KCTD1: variants seen among roughly 807,000 people sequenced by gnomAD.
KCTD1 encodes the protein BTB/POZ domain-containing protein KCTD1.
KCTD1 carries 24 observed loss-of-function variants against 66.0 expected under a neutral mutation model. The ratio of observed to expected loss-of-function variants is 0.36; its 90% CI spans 0.26 to 0.51. KCTD1 has a LOEUF of 0.51. Ranked by LOEUF, KCTD1 falls within the 20% of genes least tolerant of loss-of-function variation. KCTD1 has a pLI of 0.95. For synonymous variants in KCTD1, 511 were observed against 517.2 expected (o/e 0.99, Z 0.16); for missense variants, 943 against 1,205.2 (o/e 0.78, Z 3.22).
At chr18:26,653,522 GA>G (rs1161361580) in intron 1 of KCTD1, among the ~76,000 whole-genome samples, 1 of 152,170 alleles carries the variant, frequency 6.6e-6, no homozygotes, top group Non-Finnish European at 1.5e-5. Context: ...GTTATTCGAT[GA>G]ATGTCTGCCT....
intron 1 of KCTD1, among the ~76,000 whole-genome samples, chr18:26,638,616 G>A (rs1987771211): frequency 6.6e-6 from 1 of 152,244 alleles, no homozygotes; most frequent in South Asian, 2.1e-4. Flanking sequence ...ACAGAGGCTG[G>A]TGGTAGTCAT....
intron 1 of KCTD1, among the ~76,000 whole-genome samples, chr18:26,536,177 C>T (rs1469368976): frequency 2.0e-5 from 3 of 152,118 alleles, no homozygotes; most frequent in East Asian, 1.9e-4. Flanking sequence ...AATGAAACCA[C>T]GCTGGGCTCC....
At chr18:26,611,922 G>A (rs959909505) in intron 1 of KCTD1, among the ~76,000 whole-genome samples, 1 of 152,146 alleles carries the variant, frequency 6.6e-6, no homozygotes. Flanking sequence ...AGATTTGTTA[G>A]GTGGCTCTGG....
intron 1 of KCTD1, among the ~76,000 whole-genome samples, chr18:26,540,027 A>C (rs988843968): frequency 3.9e-5 from 6 of 152,218 alleles, no homozygotes; most frequent in South Asian, 2.1e-4. Flanking sequence ...CCTGGCACAC[A>C]GTGAAAGGGC....
rs1184085921 is a variant in KCTD1 at position 26,454,932 on chromosome 18, T to C, written c.*811A>G. 1.3e-5 allele frequency: 2 copies of C among 152,574 alleles called. No individual in the cohort carries two copies. The highest frequency in any genetic ancestry group is 4.8e-5 in the African/African-American group (2 of 41,462). The allele number at this position is 152,574 out of a possible 1,614,324, so 9.5% of individuals were successfully genotyped here. ...CAATTTCAAAAAGAAAAAATTTCAC[T>C]TTAATCCAGCCTCACCCCCACATGT... On this transcript the variant is annotated 3_prime_UTR_variant, in exon 5 of 5. Transcript: ENST00000580059.
At chr18:26,489,655 G>A (rs1408153317) in intron 2 of KCTD1, among the ~76,000 whole-genome samples, 3 of 152,104 alleles carry the variant, frequency 2.0e-5, no homozygotes, top group Non-Finnish European at 4.4e-5. Flanking sequence ...TTTCCACGTT[G>A]GCCTGATAAA....
intron 1 of KCTD1, among the ~76,000 whole-genome samples, chr18:26,570,191 A>AAAAATAT (rs776923644): frequency 2.2e-3 from 297 of 132,538 alleles, no homozygotes; most frequent in African/African-American, 7.0e-3. Flanking sequence ...ATCTAAAAAA[A>AAAAATAT]ATATATATAT....
chr18:26,562,079 G>A (rs948290711), intron 1 of KCTD1, among the ~76,000 whole-genome samples: 4 of 151,960 alleles, frequency 2.6e-5, no homozygotes, highest in Non-Finnish European at 4.4e-5. Context: ...CTATGCCTTC[G>A]CCCTCCGCCC....
At chr18:26,564,311 T>C (rs1218835405) in intron 1 of KCTD1, among the ~76,000 whole-genome samples, 1 of 152,144 alleles carries the variant, frequency 6.6e-6, no homozygotes, top group East Asian at 1.9e-4. Context: ...TAACACAATA[T>C]ATACCCCAGG....
intron 1 of KCTD1, among the ~76,000 whole-genome samples, chr18:26,516,681 A>G (rs544035864): frequency 3.3e-5 from 5 of 152,094 alleles, no homozygotes; most frequent in African/African-American, 9.6e-5. Flanking sequence ...TTTCCTATCA[A>G]CTCCCCACAG....
chr18:26,598,819 C>A (rs1021940439), intron 1 of KCTD1, among the ~76,000 whole-genome samples: 2 of 123,526 alleles, frequency 1.6e-5, no homozygotes, highest in African/African-American at 5.5e-5. Flanking sequence ...TCTTTAAATT[C>A]TTTGCCTATT....
In KCTD1 at chr18:26,547,332, CAG is replaced by C; in HGVS notation, c.1203_1204del (p.Cys402GlnfsTer214). On this transcript the variant is annotated frameshift_variant, in exon 1 of 5. Transcript: ENST00000580059. LOFTEE classifies it high-confidence loss of function. ...CCGGGGCCGCTGGAAGAACGCCTTGCAGAGAGGGTTGCGTTTCGACAGGTACT... is the reference window on the plus strand; with the variant it reads ...CCGGGGCCGCTGGAAGAACGCCTTGCAGAGGGTTGCGTTTCGACAGGTACT... 6.4e-7 allele frequency: 1 copy of C among 1,551,588 alleles called. No individual in the cohort carries two copies. Among genetic ancestry groups the C allele is most frequent in the Non-Finnish European group, 8.7e-7 (1 of 1,146,902 alleles).
chr18:26,459,482 G>A, intron 4 of KCTD1, 138 bp downstream of exon 4: 1 of 765,582 alleles, frequency 1.3e-6, no homozygotes, highest in Non-Finnish European at 2.1e-6. Flanking sequence ...TATAGAGGGT[G>A]ATAATTCACC....
chr18:26,572,379 A>G (rs1223323867), intron 1 of KCTD1, among the ~76,000 whole-genome samples: 1 of 152,136 alleles, frequency 6.6e-6, no homozygotes, highest in Non-Finnish European at 1.5e-5. Flanking sequence ...TGGCACCATT[A>G]CAGCATGACA....
chr18:26,562,348 C>T (rs1985878018), intron 1 of KCTD1, among the ~76,000 whole-genome samples: 1 of 150,676 alleles, frequency 6.6e-6, no homozygotes, highest in South Asian at 2.1e-4. Context: ...TTTCCTACCT[C>T]AGTCTCCCAA....
intron 1 of KCTD1, among the ~76,000 whole-genome samples, chr18:26,569,508 G>A (rs113883304): frequency 2.6e-5 from 4 of 151,110 alleles, no homozygotes; most frequent in Admixed American, 6.6e-5. Flanking sequence ...TCCCGCCCCC[G>A]ACAACACTCT....
chr18:26,616,201 C>A (rs1335156598), intron 1 of KCTD1, among the ~76,000 whole-genome samples: 3 of 149,612 alleles, frequency 2.0e-5, no homozygotes, highest in African/African-American at 7.4e-5. Flanking sequence ...TTGGAATTAA[C>A]CATACTCTAC....
intron 1 of KCTD1, among the ~76,000 whole-genome samples, chr18:26,648,832 C>T (rs150918384): frequency 1.3e-5 from 2 of 152,306 alleles, no homozygotes; most frequent in South Asian, 2.1e-4. Context: ...TTTATCTCTC[C>T]GCACTTCCAT....
rs940003205 is a variant in KCTD1 at position 26,579,450 on chromosome 18, A to G, written c.-16+49697T>C. Among the ~76,000 whole-genome samples the G allele has an allele frequency of 8.5e-5, 13 of 152,210 alleles. No homozygotes were observed. The South Asian group carries it at 1.4e-3, about 17-fold the overall frequency. The stretch of plus-strand genomic sequence containing the variant: ...GCAGATGACCCCAGAGAAAACGAAA[A>G]TTGTAAATTTTTTCAATAATTGTCA... On this transcript the variant is annotated intron_variant, in intron 1 of 4. Coordinates refer to the KCTD1 transcript ENST00000317932.
Sources: gnomAD v4.1 joint callset for allele counts (sites outside exome capture counted in the v4.1 genomes callset) on GRCh38, gnomAD v4.1.1 for gene constraint, MANE v1.5 for transcripts, NCBI Gene and HGNC (gene_info 2026-07-23, HGNC 2026-07-21) for gene names.